Variants in SEMA6D observed in about 807,000 individuals in gnomAD.
SEMA6D encodes the protein semaphorin 6D.
In SEMA6D, 35 loss-of-function variants were observed where a neutral mutation model predicts 106.6. That is an observed-to-expected ratio of 0.33 (90% CI 0.25 to 0.44). The LOEUF (loss-of-function observed/expected upper bound fraction) is 0.44, where lower values mean the gene tolerates loss of function less well. Among genes scored for constraint, SEMA6D ranks in the 20% least tolerant of loss-of-function variants. The pLI, the probability that SEMA6D is intolerant of heterozygous loss-of-function variation, is 1.00. For synonymous variants in SEMA6D, 499 were observed against 487.7 expected (o/e 1.02, Z -0.31); for missense variants, 1,185 against 1,345.9 (o/e 0.88, Z 1.87).
chr15:47,392,691 G>A (rs1360564998), intron 1 of SEMA6D, among the ~76,000 whole-genome samples: 2 of 152,166 alleles, frequency 1.3e-5, no homozygotes, highest in African/African-American at 4.8e-5. Context: ...TCCAGAAGTC[G>A]AAGATAATAA....
At chr15:47,762,432 A>G (rs2082111176) in intron 8 of SEMA6D, 113 bp downstream of exon 8, 1 of 1,212,710 alleles carries the variant, frequency 8.2e-7, no homozygotes, top group African/African-American at 1.5e-5. Context: ...GTTTATTTAG[A>G]ACAAGTACAC....
At chr15:47,672,918 G>T (rs986175915) in intron 4 of SEMA6D, among the ~76,000 whole-genome samples, 1 of 152,104 alleles carries the variant, frequency 6.6e-6, no homozygotes, top group Non-Finnish European at 1.5e-5. Context: ...AATTGGTTGG[G>T]TTACCCAAAA....
intron 4 of SEMA6D, among the ~76,000 whole-genome samples, chr15:47,664,087 T>G (rs1191975048): frequency 6.6e-6 from 1 of 152,246 alleles, no homozygotes; most frequent in African/African-American, 2.4e-5. Context: ...ATTGAATATA[T>G]TAACAGAGCC....
At chr15:47,479,490 A>T (rs948549734) in intron 3 of SEMA6D, among the ~76,000 whole-genome samples, 5 of 152,198 alleles carry the variant, frequency 3.3e-5, no homozygotes, top group Admixed American at 3.3e-4. Context: ...TAAATGTATA[A>T]GCACCAATTA....
intron 1 of SEMA6D, among the ~76,000 whole-genome samples, chr15:47,231,312 C>T (rs1295928567): frequency 6.6e-6 from 1 of 151,994 alleles, no homozygotes; most frequent in Non-Finnish European, 1.5e-5. Context: ...CACACCAAAA[C>T]CAGCTTTTCA....
At chr15:47,241,677 G>A (rs968178320) in intron 1 of SEMA6D, among the ~76,000 whole-genome samples, 1 of 151,640 alleles carries the variant, frequency 6.6e-6, no homozygotes, top group Non-Finnish European at 1.5e-5. Flanking sequence ...AGTCAGGGAA[G>A]GAGGGAAGAA....
chr15:47,528,872 C>G (rs982357170), intron 3 of SEMA6D, among the ~76,000 whole-genome samples: 6 of 152,180 alleles, frequency 3.9e-5, no homozygotes, highest in African/African-American at 1.4e-4. Context: ...ATAACTGACT[C>G]TCCAAAAACA....
intron 1 of SEMA6D, among the ~76,000 whole-genome samples, chr15:47,341,142 C>T (rs2037796724): frequency 6.6e-6 from 1 of 152,112 alleles, no homozygotes; most frequent in Non-Finnish European, 1.5e-5. Flanking sequence ...GTAATCCCAG[C>T]ACCTTGGGAG....
intron 1 of SEMA6D, among the ~76,000 whole-genome samples, chr15:47,387,922 A>C (rs281283): frequency 6.6e-6 from 1 of 152,230 alleles, no homozygotes; most frequent in Non-Finnish European, 1.5e-5. Flanking sequence ...TTTATAAAGT[A>C]CTAAGAATAG....
chr15:47,632,960 T>C (rs2077318255), intron 4 of SEMA6D, among the ~76,000 whole-genome samples: 2 of 152,064 alleles, frequency 1.3e-5, no homozygotes, highest in African/African-American at 4.8e-5. Flanking sequence ...ATACTACACA[T>C]ATATAACTTA....
At chr15:47,595,945 A>G (rs1291322549) in intron 3 of SEMA6D, among the ~76,000 whole-genome samples, 3 of 152,104 alleles carry the variant, frequency 2.0e-5, no homozygotes, top group Non-Finnish European at 4.4e-5. Context: ...TCCTTGCCAG[A>G]GTAATTAAGC....
chr15:47,760,437 T>G, intron 3 of SEMA6D, 22 bp downstream of exon 3: 1 of 1,569,414 alleles, frequency 6.4e-7, no homozygotes. Context: ...CTCATTGGTT[T>G]ATTAGATTAA....
chr15:47,622,036 G>A (rs941397233), intron 4 of SEMA6D, among the ~76,000 whole-genome samples: 1 of 152,034 alleles, frequency 6.6e-6, no homozygotes, highest in East Asian at 1.9e-4. Flanking sequence ...GTCCCTGGTG[G>A]CACTACTGAG....
intron 3 of SEMA6D, among the ~76,000 whole-genome samples, chr15:47,474,463 G>T (rs1291923511): frequency 6.6e-6 from 1 of 152,092 alleles, no homozygotes; most frequent in African/African-American, 2.4e-5. Flanking sequence ...TGCACAAAGG[G>T]TATGTGGCAT....
At chr15:47,625,318 G>A (rs566719573) in intron 4 of SEMA6D, among the ~76,000 whole-genome samples, 17 of 152,288 alleles carry the variant, frequency 1.1e-4, no homozygotes, top group African/African-American at 3.6e-4. Flanking sequence ...AAAATATTTA[G>A]ACGAGTTATT....
chr15:47,438,051 G>A lies in SEMA6D; in HGVS notation c.-159+25579G>A, dbSNP rs146000175. On this transcript the variant is annotated intron_variant, in intron 2 of 19. Coordinates refer to the SEMA6D transcript ENST00000558014. ...GTGACTGAATTGTTGGACTTCACAT[G>A]TTCTAAAGTGAATTTCCGATATTTC... Among the ~76,000 whole-genome samples the A allele has an allele frequency of 2.0e-5, 3 of 152,188 alleles. No homozygotes were observed. The East Asian group carries it at 5.8e-4, about 30-fold the overall frequency.
chr15:47,534,320 A>G (rs1253373595), intron 3 of SEMA6D, among the ~76,000 whole-genome samples: 1 of 151,862 alleles, frequency 6.6e-6, no homozygotes, highest in East Asian at 1.9e-4. Flanking sequence ...CCTCCCTAGT[A>G]GCTGGGATTA....
chr15:47,578,421 T>C (rs537762164), intron 3 of SEMA6D, among the ~76,000 whole-genome samples: 3 of 152,346 alleles, frequency 2.0e-5, no homozygotes. Context: ...TGCGTTCACA[T>C]GGACGTACAA....
At chr15:47,684,529 T>C (rs116070920) in intron 4 of SEMA6D, among the ~76,000 whole-genome samples, 348 of 152,280 alleles carry the variant, frequency 2.3e-3, no homozygotes, top group African/African-American at 7.9e-3. Context: ...GTAAGCTCCA[T>C]AATAGCAGGA....
Sources: gnomAD v4.1 joint callset for allele counts (sites outside exome capture counted in the v4.1 genomes callset) on GRCh38, gnomAD v4.1.1 for gene constraint, MANE v1.5 for transcripts, NCBI Gene and HGNC (gene_info 2026-07-23, HGNC 2026-07-21) for gene names.